ABCA9: variants seen among roughly 807,000 people sequenced by gnomAD.
ABCA9 encodes the protein ATP-binding cassette sub-family A member 9.
ABCA9 carries 183 observed loss-of-function variants against 205.3 expected under a neutral mutation model. The observed-to-expected ratio is 0.89, with a 90% CI of 0.79 to 1.01. The LOEUF is 1.01. Among genes scored for constraint, ABCA9 ranks in the 50% least tolerant of loss-of-function variants. The pLI is 0.00. For missense variants in ABCA9, 1,805 were observed against 1,912.4 expected, an observed-to-expected ratio of 0.94 and a Z score of 1.05; for synonymous variants, 651 against 683.3, an observed-to-expected ratio of 0.95 and a Z score of 0.74.
chr17:68,979,200 A>T (rs1425958395), intron 37 of ABCA9, among the ~76,000 whole-genome samples: 1 of 152,128 alleles, frequency 6.6e-6, no homozygotes, highest in South Asian at 2.1e-4. Flanking sequence ...CAAATAGAAT[A>T]AAATACCTAG....
At chr17:69,015,111 AG>A (rs1172538868) in intron 22 of ABCA9, among the ~76,000 whole-genome samples, 2 of 152,036 alleles carry the variant, frequency 1.3e-5, no homozygotes, top group Non-Finnish European at 1.5e-5. Flanking sequence ...TCAGAAGGGG[AG>A]GGAAAGGGGA....
chr17:69,050,846 TG>T (rs2071880668), intron 2 of ABCA9, among the ~76,000 whole-genome samples, 184 bp downstream of exon 2: 1 of 152,074 alleles, frequency 6.6e-6, no homozygotes, highest in Non-Finnish European at 1.5e-5. Context: ...TAATACATAA[TG>T]TAATTTGAAA....
upstream of ABCA9, among the ~76,000 whole-genome samples, chr17:69,062,065 T>C (rs574013536): frequency 6.6e-6 from 1 of 152,146 alleles, no homozygotes; most frequent in East Asian, 1.9e-4. Flanking sequence ...TCTAATTATA[T>C]GCGATCCAGA....
At chr17:69,067,069 G>A in the ABCA9 span, among the ~76,000 whole-genome samples, 4 of 152,028 alleles carry the variant, frequency 2.6e-5, no homozygotes, top group Non-Finnish European at 4.4e-5. Flanking sequence ...GAGAAAAGCC[G>A]TACTTATGGA....
At chr17:69,070,445 A>G in the ABCA9 span, among the ~76,000 whole-genome samples, 2 of 151,810 alleles carry the variant, frequency 1.3e-5, no homozygotes, top group Non-Finnish European at 2.9e-5. Context: ...ATTGAGGGGG[A>G]GCAGAAGCAG....
chr17:69,068,419 A>C, the ABCA9 span, among the ~76,000 whole-genome samples: 3 of 152,230 alleles, frequency 2.0e-5, no homozygotes, highest in Admixed American at 6.5e-5. Context: ...AACTATGCTA[A>C]TGTGAATGCT....
chr17:69,043,716 C>G lies in ABCA9; in HGVS notation c.574-1G>C. On this transcript the variant is annotated splice_acceptor_variant, in intron 5 of 38. Coordinates refer to ENST00000340001, the MANE Select transcript of ABCA9 (RefSeq NM_080283.4). LOFTEE classifies it high-confidence loss of function. ...CCATCACTGAATGATTTGTTGCGAT[C>G]TGAAGAAAGATATCAATGAACAAAT... 6.3e-7 allele frequency: 1 copy of G among 1,584,252 alleles called. No homozygotes were observed. Among genetic ancestry groups the G allele is most frequent in the South Asian group, 1.2e-5 (1 of 85,390 alleles).
At chr17:68,982,967 C>T (rs2069110380) in intron 36 of ABCA9, among the ~76,000 whole-genome samples, 1 of 152,168 alleles carries the variant, frequency 6.6e-6, no homozygotes. Context: ...GATTGCACCA[C>T]TGCACTGTAG....
intron 28 of ABCA9, among the ~76,000 whole-genome samples, chr17:68,991,187 C>T (rs936154220): frequency 1.3e-5 from 2 of 152,136 alleles, no homozygotes; most frequent in African/African-American, 4.8e-5. Flanking sequence ...TTAATCCTCC[C>T]TGTTGATGGT....
chr17:69,032,551 TTAAATC>T (rs1186747515), intron 9 of ABCA9: 21 of 258,386 alleles, frequency 8.1e-5, no homozygotes, highest in African/African-American at 4.7e-4. Flanking sequence ...CAGGAGGAAT[TTAAATC>T]TAATTAAGAA....
upstream of ABCA9, among the ~76,000 whole-genome samples, chr17:69,063,610 T>C (rs544131474): frequency 7.6e-5 from 11 of 143,842 alleles, no homozygotes; most frequent in Non-Finnish European, 1.4e-4. Flanking sequence ...TTTGTGTTTG[T>C]TTTTTTTTGT....
chr17:68,978,398 C>T (rs2068947319), intron 37 of ABCA9, among the ~76,000 whole-genome samples: 1 of 152,154 alleles, frequency 6.6e-6, no homozygotes, highest in African/African-American at 2.4e-5. Context: ...ATACAGCACA[C>T]TGATGGGTCT....
At position 69,016,349 on chromosome 17, in the gene ABCA9, AT is replaced by A; in HGVS notation, c.2942del (p.Asn981IlefsTer62). 6.2e-7 allele frequency: 1 copy of A among 1,603,588 alleles called. No homozygotes were observed. The highest frequency in any genetic ancestry group is 8.5e-7 in the Non-Finnish European group (1 of 1,176,240). On this transcript the variant is annotated frameshift_variant, in exon 22 of 39. Coordinates refer to ENST00000340001, the MANE Select transcript of ABCA9 (RefSeq NM_080283.4). LOFTEE classifies it high-confidence loss of function. The stretch of plus-strand genomic sequence containing the variant: ...TGACATCCAGGAGGACAGGAAAGCA[AT>A]TCAGCCGTTTTGTATTACATGCTAT... ...FSIACNTKRL[N>X]CFPVLLDVIS...
the ABCA9 span, among the ~76,000 whole-genome samples, chr17:69,066,494 T>C: frequency 6.6e-6 from 1 of 152,044 alleles, no homozygotes; most frequent in Non-Finnish European, 1.5e-5. Flanking sequence ...AAGACAACAT[T>C]TAAAAAGGGA....
Position 69,018,403 on chromosome 17 carries a change from C to A in ABCA9, c.2767+10G>T. 6.6e-7 allele frequency: 1 copy of A among 1,523,002 alleles called. No homozygotes were observed. The highest frequency in any genetic ancestry group is 8.8e-7 in the Non-Finnish European group (1 of 1,140,878). 94.3% of individuals were successfully genotyped at this position (1,523,002 alleles called of 1,614,324 possible). A position where few individuals can be genotyped will look rare whatever the true frequency, so the allele number is the denominator to read the frequency against. ...AACATTTAACAGCTGCATTTCAGCC[C>A]CATGTTCACCTGTCTTATTGATGAC... On this transcript the variant is annotated intron_variant, in intron 20 of 38. Coordinates refer to ENST00000340001, the MANE Select transcript of ABCA9 (RefSeq NM_080283.4).
At chr17:69,051,265 C>A in intron 1 of ABCA9, 126 bp from the exon 2 acceptor site, 5 of 736,656 alleles carry the variant, frequency 6.8e-6, no homozygotes, top group Non-Finnish European at 8.4e-6. Context: ...AGAAGAAAGC[C>A]AAAAGGCTAA....
intron 36 of ABCA9, 30 bp from the exon 37 acceptor site, chr17:68,982,671 C>T (rs1413335623): frequency 6.3e-7 from 1 of 1,583,100 alleles, no homozygotes; most frequent in East Asian, 2.2e-5. Context: ...AGGCTGAACT[C>T]CAGGTGTCAA....
Position 69,055,325 on chromosome 17 carries a change from C to G in ABCA9, c.-13-4186G>C, listed in dbSNP as rs566714886. On this transcript the variant is annotated intron_variant, in intron 1 of 38. Coordinates refer to ENST00000340001, the MANE Select transcript of ABCA9 (RefSeq NM_080283.4). ...GATAAATATAGATGGACCATGCTAA[C>G]AATAATCAGAAGAAAGCTGGAATAA... is the stretch of plus-strand genomic sequence containing the variant. Among the ~76,000 whole-genome samples, 37 of 152,140 alleles carry G rather than the reference C, an allele frequency of 2.4e-4. 1 individual carries two copies. The South Asian group carries it at 2.9e-3, about 12-fold the overall frequency.
rs2071016172 is a variant in ABCA9, at chr17:69,027,081, CCAATCCAGCAGT to C, written c.1933_1944del (p.Thr645_Leu648del). On this transcript the variant is annotated inframe_deletion, in exon 15 of 39. Coordinates refer to ENST00000340001, the MANE Select transcript of ABCA9 (RefSeq NM_080283.4). ...CATATTCGGTGCCTTGAAAGAGGATCCAATCCAGCAGTCGGTTCATCCAATAGCAAAACCTGG... is the reference window on the plus strand; with the variant it reads ...CATATTCGGTGCCTTGAAAGAGGATCCGGTTCATCCAATAGCAAAACCTGG... 6.2e-7 allele frequency: 1 copy of C among 1,614,106 alleles called. No individual in the cohort carries two copies. The highest frequency in any genetic ancestry group is 1.7e-5 in the Admixed American group (1 of 60,008).
Sources: allele counts gnomAD v4.1 joint callset (sites outside exome capture counted in the v4.1 genomes callset), GRCh38; gene constraint gnomAD v4.1.1; transcripts MANE v1.5; gene names NCBI Gene and HGNC (gene_info 2026-07-23, HGNC 2026-07-21).